MSH4: variants seen among roughly 807,000 people sequenced by gnomAD.
MSH4 encodes the protein mutS protein homolog 4.
In MSH4, 106 loss-of-function variants were observed where a neutral mutation model predicts 113.7. The ratio of observed to expected loss-of-function variants is 0.93; its 90% CI spans 0.80 to 1.10. The LOEUF is 1.10. Ranked by LOEUF, MSH4 falls within the 50% of genes least tolerant of loss-of-function variation. The pLI, the probability that MSH4 is intolerant of heterozygous loss-of-function variation, is 0.00. For synonymous variants in MSH4, 368 were observed against 380.2 expected (o/e 0.97, Z 0.37); for missense variants, 1,061 against 1,093.7 (o/e 0.97, Z 0.42).
chr1:75,912,785 A>G lies in MSH4; in HGVS notation c.2709A>G (p.Gln903=), dbSNP rs747823393. 3 of 1,597,216 alleles carry G rather than the reference A, an allele frequency of 1.9e-6. No homozygotes were observed. Among genetic ancestry groups the G allele is most frequent in the East Asian group, 2.3e-5 (1 of 43,324 alleles). ...TRLVQTARNS[Q]LDPDSLRIYL... The stretch of plus-strand genomic sequence containing the variant: ...TTGTTCAAACTGCTCGAAACTCTCA[A>G]TTGGATCCAGACAGTTTACGAATAT... The change falls in exon 20 of 20, where the codon CAA becomes CAG. Residue 903 remains glutamine, a synonymous_variant. Transcript: ENST00000263187.
chr1:75,841,289 C>T (rs1196908255), intron 7 of MSH4, among the ~76,000 whole-genome samples: 1 of 151,880 alleles, frequency 6.6e-6, no homozygotes, highest in East Asian at 1.9e-4. Flanking sequence ...TAACAAACCT[C>T]TGGGTTCAAG....
chr1:75,895,162 T>C (rs927447230), intron 17 of MSH4, among the ~76,000 whole-genome samples: 4 of 152,110 alleles, frequency 2.6e-5, no homozygotes, highest in African/African-American at 9.7e-5. Context: ...GGCTGTCTTA[T>C]GCCTCTGAAT....
At chr1:75,811,698 G>C (rs1012290172) in intron 4 of MSH4, among the ~76,000 whole-genome samples, 1 of 152,166 alleles carries the variant, frequency 6.6e-6, no homozygotes, top group Non-Finnish European at 1.5e-5. Context: ...TCCAAACCAA[G>C]TAGACAGCAT....
At chr1:75,868,067 G>T (rs952814094) in intron 9 of MSH4, among the ~76,000 whole-genome samples, 1 of 152,006 alleles carries the variant, frequency 6.6e-6, no homozygotes, top group African/African-American at 2.4e-5. Context: ...CTCAGCCTTT[G>T]TTCATGATAC....
chr1:75,827,487 A>G (rs1650579799), intron 7 of MSH4, among the ~76,000 whole-genome samples: 1 of 152,168 alleles, frequency 6.6e-6, no homozygotes, highest in Non-Finnish European at 1.5e-5. Context: ...ACACATAACA[A>G]TATTAACCTT....
chr1:75,891,244 A>T (rs187921020), intron 17 of MSH4, among the ~76,000 whole-genome samples: 107 of 152,296 alleles, frequency 7.0e-4, no homozygotes, highest in Non-Finnish European at 1.0e-3. Flanking sequence ...TAAAGAAAGT[A>T]GTTTTTCACA....
intron 7 of MSH4, among the ~76,000 whole-genome samples, chr1:75,830,247 TA>T (rs907339268): frequency 1.3e-5 from 2 of 151,042 alleles, no homozygotes; most frequent in African/African-American, 4.9e-5. Context: ...GAAAAAAGGG[TA>T]AAAAAAACCG....
chr1:75,833,091 T>A (rs951717558), intron 7 of MSH4, among the ~76,000 whole-genome samples: 2 of 152,288 alleles, frequency 1.3e-5, no homozygotes, highest in East Asian at 1.9e-4. Flanking sequence ...GCAAAGTCTC[T>A]GGACACAAAA....
At chr1:75,833,593 C>T (rs917808753) in intron 7 of MSH4, among the ~76,000 whole-genome samples, 1 of 152,044 alleles carries the variant, frequency 6.6e-6, no homozygotes, top group Non-Finnish European at 1.5e-5. Flanking sequence ...CATATATAGA[C>T]CAATGGAACA....
At chr1:75,828,728 A>G (rs531363560) in intron 7 of MSH4, among the ~76,000 whole-genome samples, 2 of 152,310 alleles carry the variant, frequency 1.3e-5, no homozygotes, top group African/African-American at 4.8e-5. Context: ...GCTGGATTCA[A>G]TCAAAGCCCA....
At chr1:75,804,452 T>C (rs183761345) in intron 2 of MSH4, among the ~76,000 whole-genome samples, 19 of 151,994 alleles carry the variant, frequency 1.3e-4, no homozygotes, top group Admixed American at 3.3e-4. Context: ...AAGTTTATAT[T>C]AGATCTACAG....
intron 9 of MSH4, among the ~76,000 whole-genome samples, chr1:75,872,322 G>T (rs1032862206): frequency 6.6e-6 from 1 of 152,080 alleles, no homozygotes; most frequent in African/African-American, 2.4e-5. Flanking sequence ...TTGTCTAGTG[G>T]TTAAGATAAC....
chr1:75,859,065 G>A (rs1651388666), intron 8 of MSH4, among the ~76,000 whole-genome samples: 1 of 152,152 alleles, frequency 6.6e-6, no homozygotes. Context: ...GGTGTTTATA[G>A]TATTCTCTAT....
chr1:75,816,261 T>C (rs1166162893), intron 5 of MSH4, 112 bp from the exon 6 acceptor site: 3 of 624,516 alleles, frequency 4.8e-6, no homozygotes, highest in Non-Finnish European at 4.8e-6. Context: ...GGTGTACCTT[T>C]TCCTTTTGAG....
intron 8 of MSH4, among the ~76,000 whole-genome samples, chr1:75,856,767 T>C (rs939395178): frequency 1.3e-5 from 2 of 152,246 alleles, no homozygotes; most frequent in Non-Finnish European, 2.9e-5. Flanking sequence ...TGTGTCTTTA[T>C]CGTAGAATGA....
chr1:75,803,796 G>A lies in MSH4; in HGVS notation c.310G>A (p.Ala104Thr). The A allele has an allele frequency of 1.2e-6, 2 of 1,606,758 alleles. No individual in the cohort carries two copies. Among genetic ancestry groups the A allele is most frequent in the Non-Finnish European group, 1.7e-6 (2 of 1,177,488 alleles). ...AGTTGCATCAAATTTTACTTTTGGT[G>A]CAAGCTCATCTTCTGCACGAGATAC... ...NTVASNFTFG[A>T]SSSSARDTNY... The change falls in exon 2 of 20, where the codon GCA becomes ACA. Residue 104 changes from alanine to threonine, a missense_variant. By Grantham distance (58) the Ala-to-Thr change is moderately conservative (BLOSUM62 0). Coordinates refer to ENST00000263187, the MANE Select transcript of MSH4 (RefSeq NM_002440.4).
intron 19 of MSH4, among the ~76,000 whole-genome samples, chr1:75,907,872 G>A (rs372217687): frequency 2.7e-5 from 4 of 149,744 alleles, no homozygotes; most frequent in Admixed American, 6.7e-5. Flanking sequence ...ATGTGCCACC[G>A]TGCCTGTCTA....
At chr1:75,858,376 C>G (rs1651368639) in intron 8 of MSH4, among the ~76,000 whole-genome samples, 1 of 152,140 alleles carries the variant, frequency 6.6e-6, no homozygotes, top group African/African-American at 2.4e-5. Context: ...AGTTTTTGCC[C>G]ATTCAGTATG....
intron 8 of MSH4, among the ~76,000 whole-genome samples, chr1:75,861,871 C>T (rs1424952700): frequency 1.3e-5 from 2 of 152,136 alleles, no homozygotes; most frequent in African/African-American, 2.4e-5. Flanking sequence ...GCCCTGCCCC[C>T]AGAGGTGGAA....
Sources: allele counts gnomAD v4.1 joint callset (sites outside exome capture counted in the v4.1 genomes callset), GRCh38; gene constraint gnomAD v4.1.1; transcripts MANE v1.5; gene names NCBI Gene and HGNC (gene_info 2026-07-23, HGNC 2026-07-21).